Variants in WDPCP observed in about 807,000 individuals in gnomAD.
WDPCP encodes the protein WD repeat-containing and planar cell polarity effector protein fritz homolog.
In WDPCP, 71 loss-of-function variants were observed where a neutral mutation model predicts 93.1. The ratio of observed to expected loss-of-function variants is 0.76; its 90% confidence interval spans 0.63 to 0.93. The LOEUF (loss-of-function observed/expected upper bound fraction) is 0.93. WDPCP is among the 40% of genes least tolerant of loss of function. WDPCP has a pLI of 0.00. For synonymous variants in WDPCP, 315 were observed against 315.0 expected, an observed-to-expected ratio of 1.00 and a Z score of 0.00; for missense variants, 844 against 887.4, an observed-to-expected ratio of 0.95 and a Z score of 0.62.
chr2:63,344,130 G>C (rs1405335879), intron 12 of WDPCP, among the ~76,000 whole-genome samples: 2 of 151,780 alleles, frequency 1.3e-5, no homozygotes, highest in East Asian at 3.9e-4. Flanking sequence ...TTATAACTCT[G>C]GAAATCAGAT....
At chr2:63,697,341 C>G (rs572886869) in intron 2 of WDPCP, among the ~76,000 whole-genome samples, 5 of 152,228 alleles carry the variant, frequency 3.3e-5, no homozygotes, top group African/African-American at 1.2e-4. Context: ...AAGGGTCACA[C>G]GGTAAGTGAT....
chr2:63,717,513 G>A (rs939759621), intron 2 of WDPCP: 7 of 450,602 alleles, frequency 1.6e-5, no homozygotes, highest in East Asian at 5.8e-5. Flanking sequence ...AATACATCTC[G>A]AACAAACTCA....
At chr2:63,164,743 C>T (rs183304359) in intron 15 of WDPCP, among the ~76,000 whole-genome samples, 7 of 152,088 alleles carry the variant, frequency 4.6e-5, no homozygotes, top group East Asian at 1.9e-4. Flanking sequence ...TGTATAAAGA[C>T]GTAATTTATA....
At chr2:63,822,569 C>G (rs1671039025) in intron 1 of WDPCP, among the ~76,000 whole-genome samples, 1 of 152,044 alleles carries the variant, frequency 6.6e-6, no homozygotes, top group African/African-American at 2.4e-5. Flanking sequence ...TTACACAGAT[C>G]TCAAAATATG....
intron 17 of WDPCP, 77 bp from the exon 18 acceptor site, chr2:63,122,133 T>G: frequency 8.3e-7 from 1 of 1,200,966 alleles, no homozygotes; most frequent in Non-Finnish European, 1.2e-6. Flanking sequence ...TTTATTATTT[T>G]TAAGTACTGA....
intron 15 of WDPCP, among the ~76,000 whole-genome samples, chr2:63,157,687 C>T (rs1384074421): frequency 2.0e-5 from 3 of 152,102 alleles, no homozygotes; most frequent in African/African-American, 7.2e-5. Flanking sequence ...TAGTTCATGA[C>T]ATTATTTTTT....
intron 3 of WDPCP, chr2:63,643,498 C>A: frequency 5.4e-6 from 2 of 372,306 alleles, no homozygotes; most frequent in South Asian, 4.6e-5. Flanking sequence ...ACCCCTCAGT[C>A]ACCATACACA....
intron 2 of WDPCP, among the ~76,000 whole-genome samples, chr2:63,728,477 C>T (rs1380414593): frequency 6.6e-6 from 1 of 152,202 alleles, no homozygotes; most frequent in Non-Finnish European, 1.5e-5. Flanking sequence ...ACTAGGCTGG[C>T]TGGCATCTTA....
At chr2:63,325,611 C>T (rs1224893245) in intron 12 of WDPCP, among the ~76,000 whole-genome samples, 2 of 152,204 alleles carry the variant, frequency 1.3e-5, no homozygotes, top group Non-Finnish European at 2.9e-5. Context: ...CAGCCTGTAA[C>T]CAGGTATTTC....
At chr2:63,741,654 A>G (rs955077634) in intron 2 of WDPCP, among the ~76,000 whole-genome samples, 2 of 152,142 alleles carry the variant, frequency 1.3e-5, no homozygotes, top group Admixed American at 1.3e-4. Context: ...ACTTTTAATC[A>G]GAAACTGGGT....
chr2:63,541,404 C>T (rs1704713898), intron 1 of WDPCP, among the ~76,000 whole-genome samples: 1 of 152,086 alleles, frequency 6.6e-6, no homozygotes, highest in Non-Finnish European at 1.5e-5. Context: ...TACAATTATA[C>T]ATGGTTTTTC....
At chr2:63,699,000 T>G (rs1422854258) in intron 2 of WDPCP, among the ~76,000 whole-genome samples, 5 of 152,144 alleles carry the variant, frequency 3.3e-5, no homozygotes, top group Non-Finnish European at 4.4e-5. Flanking sequence ...GGCCCCACCC[T>G]TCCAAGACAT....
intron 1 of WDPCP, among the ~76,000 whole-genome samples, chr2:63,498,419 T>G (rs1268882021): frequency 6.6e-6 from 1 of 152,174 alleles, no homozygotes; most frequent in Non-Finnish European, 1.5e-5. Flanking sequence ...AAAGCCCCTT[T>G]TCACTTTATA....
intron 10 of WDPCP, among the ~76,000 whole-genome samples, chr2:63,389,353 A>G (rs765518188): frequency 6.6e-6 from 1 of 152,194 alleles, no homozygotes; most frequent in Non-Finnish European, 1.5e-5. Flanking sequence ...AAATGCTGAG[A>G]GATTTTGTCA....
intron 5 of WDPCP, 110 bp from the exon 6 acceptor site, chr2:63,484,773 T>A: frequency 6.6e-7 from 1 of 1,515,812 alleles, no homozygotes; most frequent in Non-Finnish European, 9.1e-7. Context: ...CACACAAAGA[T>A]CCAACTGTTT....
intron 1 of WDPCP, among the ~76,000 whole-genome samples, chr2:63,530,333 C>T (rs913722233): frequency 4.6e-5 from 7 of 152,186 alleles, no homozygotes; most frequent in African/African-American, 1.7e-4. Flanking sequence ...CTCTTGTGGG[C>T]ATTTAGTGCT....
intron 12 of WDPCP, among the ~76,000 whole-genome samples, chr2:63,336,857 G>T (rs1421880422): frequency 6.7e-6 from 1 of 149,126 alleles, no homozygotes; most frequent in Non-Finnish European, 1.5e-5. Flanking sequence ...CCTGGCCTCT[G>T]GTAACCACCA....
intron 14 of WDPCP, among the ~76,000 whole-genome samples, chr2:63,214,708 G>T (rs930543932): frequency 2.0e-5 from 3 of 152,150 alleles, no homozygotes; most frequent in African/African-American, 4.8e-5. Flanking sequence ...TGACATGATT[G>T]TATATTTAGA....
intron 2 of WDPCP, among the ~76,000 whole-genome samples, chr2:63,793,870 T>TTGTGTGTGTG (rs35714297): frequency 6.7e-4 from 98 of 145,368 alleles, no homozygotes; most frequent in African/African-American, 2.4e-3. Flanking sequence ...AGTACTTACA[T>TTGTGTGTGTG]TGTGTGTGTG....
Sources: gnomAD v4.1 joint callset for allele counts (sites outside exome capture counted in the v4.1 genomes callset) on GRCh38, gnomAD v4.1.1 for gene constraint, MANE v1.5 for transcripts, NCBI Gene and HGNC (gene_info 2026-07-23, HGNC 2026-07-21) for gene names.